The following ROS1 variants were observed in gnomAD, a reference collection of about 807,000 sequenced individuals.
ROS1 encodes ROS proto-oncogene 1, receptor tyrosine kinase, also known as proto-oncogene tyrosine-protein kinase ROS.
ROS1 carries 263 observed loss-of-function variants against 273.5 expected under a neutral mutation model. That is an observed-to-expected ratio of 0.96 (90% CI 0.87 to 1.06). The LOEUF is 1.06. Among genes scored for constraint, ROS1 ranks in the 50% least tolerant of loss-of-function variants. The probability of loss-of-function intolerance (pLI) is 0.00; values close to 1 mark genes in which losing one functional copy is unlikely to be tolerated. For missense variants in ROS1, 2,833 were observed against 2,751.1 expected (o/e 1.03, Z -0.67); for synonymous variants, 1,008 against 954.1 (o/e 1.06, Z -1.04).
intron 37 of ROS1, among the ~76,000 whole-genome samples, chr6:117,319,134 T>C (rs1776109450): frequency 6.6e-6 from 1 of 152,100 alleles, no homozygotes; most frequent in Middle Eastern, 3.2e-3. Context: ...CTCAATTACA[T>C]AAAAGATTCA....
At chr6:117,290,572 T>TA (rs779851942) in intron 43 of ROS1, among the ~76,000 whole-genome samples, 1 of 152,196 alleles carries the variant, frequency 6.6e-6, no homozygotes, top group Admixed American at 6.5e-5. Context: ...ACGGGGTATT[T>TA]ACAGACTAGA....
At position 117,326,357 on chromosome 6, in the gene ROS1, A is replaced by C. The variant is rs1337334412; in HGVS notation, c.5406T>G (p.Asn1802Lys). The C allele has an allele frequency of 6.3e-7, 1 of 1,576,346 alleles. No individual in the cohort carries two copies. ...NQNLRWKMTF[N>K]GSCSSVCTWK... The stretch of plus-strand genomic sequence containing the variant: ...ATGTGCAAACACTACTGCAGGATCC[A>C]TTAAATGTCATCTTCCACCTTAAAT... Residue 1802 changes from asparagine to lysine, a missense_variant, in exon 34 of 44, where the codon AAT (asparagine) becomes AAG (lysine). Transcript: ENST00000368507.
chr6:117,384,214 A>G (rs1772381313), intron 16 of ROS1, among the ~76,000 whole-genome samples: 1 of 152,140 alleles, frequency 6.6e-6, no homozygotes, highest in South Asian at 2.1e-4. Flanking sequence ...CTGCTTGCAC[A>G]TCTTTGGCAC....
Position 117,327,677 on chromosome 6 carries a change from G to T in ROS1, c.5349-1263C>A, listed in dbSNP as rs191770495. 3.3e-5 allele frequency among the ~76,000 whole-genome samples: 5 copies of T among 152,320 alleles called. No homozygotes were observed. In the East Asian group the frequency reaches 9.7e-4, roughly 29 times the overall value. On this transcript the variant is annotated intron_variant, in intron 33 of 43. Transcript: ENST00000368507. ...GAACAAGCATTTAAACATGGTTTGT[G>T]TACTGGATTGAGTCATGTCCTCCCA...
At chr6:117,322,598 A>G (rs561454052) in intron 35 of ROS1, among the ~76,000 whole-genome samples, 2 of 152,204 alleles carry the variant, frequency 1.3e-5, no homozygotes, top group East Asian at 3.9e-4. Flanking sequence ...TATGCATTAG[A>G]TATGACTGCT....
intron 10 of ROS1, 59 bp downstream of exon 10, chr6:117,394,557 G>A: frequency 1.4e-6 from 2 of 1,409,304 alleles, no homozygotes; most frequent in Non-Finnish European, 1.9e-6. Flanking sequence ...TATTCTAGAA[G>A]TACTTCTTTT....
At chr6:117,370,069 CT>C (rs1780647074) in intron 18 of ROS1, among the ~76,000 whole-genome samples, 1 of 151,934 alleles carries the variant, frequency 6.6e-6, no homozygotes, top group African/African-American at 2.4e-5. Flanking sequence ...GTGTATAAAT[CT>C]ATATCTATAG....
chr6:117,326,509 T>C, intron 33 of ROS1, 95 bp from the exon 34 acceptor site: 1 of 738,262 alleles, frequency 1.4e-6, no homozygotes. Flanking sequence ...CGCCAGAGAG[T>C]GTCCTTTGGC....
rs747771738 is a variant in ROS1 at position 117,326,194 on chromosome 6, G to A, written c.5539+30C>T. The A allele has an allele frequency of 4.3e-6, 6 of 1,408,854 alleles. No homozygotes were observed. The East Asian group carries it at 1.5e-4, about 36-fold the overall frequency. 87.3% of individuals were successfully genotyped at this position (1,408,854 alleles called of 1,614,324 possible). A position where few individuals can be genotyped will look rare whatever the true frequency, so the allele number is the denominator to read the frequency against. ...TTATTACTGAACCTTTAGGTAATAA[G>A]CTAGTGTGTAGACAGACATGGTAAC... On this transcript the variant is annotated intron_variant, in intron 34 of 43. Transcript: ENST00000368507.
At chr6:117,406,710 A>C (rs1285475266) in intron 5 of ROS1, among the ~76,000 whole-genome samples, 1 of 152,200 alleles carries the variant, frequency 6.6e-6, no homozygotes, top group Non-Finnish European at 1.5e-5. Context: ...TCGACTTTTT[A>C]AGTAGTATCA....
chr6:117,310,369 GA>G, intron 40 of ROS1, 88 bp from the exon 41 acceptor site: 1 of 931,730 alleles, frequency 1.1e-6, no homozygotes, highest in Non-Finnish European at 1.6e-6. Context: ...GGTCTGTAAA[GA>G]AGAGAAACTA....
At chr6:117,327,983 C>G (rs1472446189) in intron 33 of ROS1, among the ~76,000 whole-genome samples, 1 of 152,178 alleles carries the variant, frequency 6.6e-6, no homozygotes, top group Non-Finnish European at 1.5e-5. Flanking sequence ...ACCATCAGAA[C>G]AAGCAGTCCC....
rs185274547 is a variant in ROS1, at chr6:117,373,583, G to A, written c.2582+5476C>T. 7.2e-5 allele frequency among the ~76,000 whole-genome samples: 11 copies of A among 152,340 alleles called. No individual in the cohort carries two copies. The South Asian group carries it at 8.3e-4, about 11-fold the overall frequency. On this transcript the variant is annotated intron_variant, in intron 18 of 43. Transcript: ENST00000368507. Reference sequence around the variant, plus strand: ...GGCACTGGCCAGCCGCTCTGAGTGCGGGGCCCGCCAAGCCCGCACCCACCC... The same window carrying A: ...GGCACTGGCCAGCCGCTCTGAGTGCAGGGCCCGCCAAGCCCGCACCCACCC...
intron 1 of ROS1, among the ~76,000 whole-genome samples, chr6:117,423,697 G>A (rs1019886043): frequency 6.8e-6 from 1 of 147,590 alleles, no homozygotes; most frequent in Non-Finnish European, 1.5e-5. Flanking sequence ...ACATTCTTGT[G>A]GTGACTTTTT....
At chr6:117,306,330 C>T (rs944762800) in intron 42 of ROS1, among the ~76,000 whole-genome samples, 50 of 151,862 alleles carry the variant, frequency 3.3e-4, no homozygotes, top group Admixed American at 3.0e-3. Context: ...CTGTGTTCTC[C>T]CACGGTTGCC....
intron 18 of ROS1, among the ~76,000 whole-genome samples, chr6:117,372,056 G>T (rs1780837157): frequency 6.6e-6 from 1 of 152,140 alleles, no homozygotes; most frequent in Non-Finnish European, 1.5e-5. Context: ...CATCCTTTAT[G>T]ATTAAAACCT....
At position 117,385,020 on chromosome 6, in the gene ROS1, T is replaced by C. The variant is rs75680673; in HGVS notation, c.2289+663A>G. On this transcript the variant is annotated intron_variant, in intron 16 of 43. Transcript: ENST00000368507. Reference sequence around the variant, plus strand: ...CACCTAGACTTATGTCTTCGCACACTTGTAAACCGTGAGGATGCCTCACCA... The same window carrying C: ...CACCTAGACTTATGTCTTCGCACACCTGTAAACCGTGAGGATGCCTCACCA... Among the ~76,000 whole-genome samples the C allele has an allele frequency of 2.1e-3, 326 of 152,316 alleles. 6 individuals are homozygous for C. In the East Asian group the frequency reaches 0.044, roughly 21 times the overall value.
At chr6:117,370,061 G>A (rs1434985049) in intron 18 of ROS1, among the ~76,000 whole-genome samples, 2 of 151,980 alleles carry the variant, frequency 1.3e-5, no homozygotes, top group Non-Finnish European at 2.9e-5. Flanking sequence ...GGATGTATGT[G>A]TATAAATCTA....
chr6:117,425,819 C>G lies in ROS1; in HGVS notation c.-163G>C. 1.5e-6 allele frequency: 1 copy of G among 677,570 alleles called. No individual in the cohort carries two copies. Among genetic ancestry groups the G allele is most frequent in the Middle Eastern group, 2.8e-4 (1 of 3,576 alleles). The allele number at this position is 677,570 out of a possible 1,614,324, so 42.0% of individuals were successfully genotyped here. The stretch of plus-strand genomic sequence containing the variant: ...ACTTGCCTTTTGAAATAATACTTAG[C>G]CTTTTTCATTTAGACCTTTGAATGC... On this transcript the variant is annotated 5_prime_UTR_variant, in exon 1 of 44. Coordinates refer to ENST00000368507, the MANE Select transcript of ROS1 (RefSeq NM_001378902.1).
Sources: gnomAD v4.1 joint callset for allele counts (sites outside exome capture counted in the v4.1 genomes callset) on GRCh38, gnomAD v4.1.1 for gene constraint, MANE v1.5 for transcripts, NCBI Gene and HGNC (gene_info 2026-07-23, HGNC 2026-07-21) for gene names.